The following SPAG6 variants were observed in gnomAD, a reference collection of about 807,000 sequenced individuals.
The protein encoded by SPAG6 is sperm-associated antigen 6.
SPAG6 carries 49 observed loss-of-function variants against 58.5 expected under a neutral mutation model. The observed-to-expected ratio is 0.84, with a 90% confidence interval of 0.67 to 1.06. The LOEUF is 1.06. Among genes scored for constraint, SPAG6 ranks in the 50% least tolerant of loss-of-function variants. The pLI, the probability that SPAG6 is intolerant of heterozygous loss-of-function variation, is 0.00. For synonymous variants in SPAG6, 233 were observed against 225.6 expected (o/e 1.03, Z -0.29); for missense variants, 560 against 611.3 (o/e 0.92, Z 0.89).
rs750231699 is a variant in SPAG6, at chr10:22,411,156, T to C, written c.1440T>C (p.Cys480=). 1 of 1,610,258 alleles carries C rather than the reference T, an allele frequency of 6.2e-7. No individual in the cohort carries two copies. Among genetic ancestry groups the C allele is most frequent in the Non-Finnish European group, 8.5e-7 (1 of 1,178,770 alleles). The change falls in exon 10 of 11, where the codon TGT becomes TGC. Residue 480 remains cysteine (C), a synonymous_variant. Coordinates refer to ENST00000376624, the MANE Select transcript of SPAG6 (RefSeq NM_012443.4). ...LQEYINSINS[C]YPEEIVRYYS... is the part of the protein sequence containing the mutation. The stretch of plus-strand genomic sequence containing the variant: ...AATACATCAACAGTATTAACAGTTG[T>C]TACCCCGAGGAAATAGTGAGGTGGG...
In SPAG6 at chr10:22,387,948, G is replaced by T. The variant is rs770265726; in HGVS notation, c.804G>T (p.Lys268Asn). 3.1e-6 allele frequency: 5 copies of T among 1,611,762 alleles called. No homozygotes were observed. The highest frequency in any genetic ancestry group is 8.5e-7 in the Non-Finnish European group (1 of 1,179,086). Residue 268 changes from lysine (K) to asparagine (N), a missense_variant, in exon 6 of 11, where the codon AAG becomes AAT. Lys to Asn is a moderately conservative substitution (Grantham distance 94, BLOSUM62 0). Coordinates refer to ENST00000376624, the MANE Select transcript of SPAG6 (RefSeq NM_012443.4). The part of the protein sequence containing the change: ...TCLKDKDEYV[K>N]KNASTLIREI... Reference sequence around the variant, plus strand: ...TGAAGGACAAGGATGAATACGTGAAGAAAAATGCTTCTACTTTAATTAGAG... The same window carrying T: ...TGAAGGACAAGGATGAATACGTGAATAAAAATGCTTCTACTTTAATTAGAG...
rs546172800 is a variant in SPAG6 at position 22,411,840 on chromosome 10, C to CTTTTTTTTT, written c.1460+682_1460+690dup. Among the ~76,000 whole-genome samples, 74 of 66,790 alleles carry CTTTTTTTTT rather than the reference C, an allele frequency of 1.1e-3. 7 individuals are homozygous for CTTTTTTTTT. Among genetic ancestry groups the CTTTTTTTTT allele is most frequent in the African/African-American group, 4.3e-3 (73 of 17,144 alleles). The allele number at this position is 66,790 out of a possible 152,430, so 43.8% of individuals were successfully genotyped here. ...AAGAGAATGATTTAAACAACTGAATCTTTTTTTTTTTTTTTTTTTTTTTTT... is the reference window on the plus strand; with the variant it reads ...AAGAGAATGATTTAAACAACTGAATCTTTTTTTTTTTTTTTTTTTTTTTTTTTTTTTTTT... On this transcript the variant is annotated intron_variant, in intron 10 of 10. Coordinates refer to ENST00000376624, the MANE Select transcript of SPAG6 (RefSeq NM_012443.4).
chr10:22,374,882 T>C (rs1833781998), intron 4 of SPAG6, among the ~76,000 whole-genome samples: 1 of 152,214 alleles, frequency 6.6e-6, no homozygotes. Context: ...AACTGAACAG[T>C]CCTTGGCGTA....
chr10:22,345,956 C>T lies in SPAG6; in HGVS notation c.121+138C>T, dbSNP rs1432597260. 2 of 1,553,802 alleles carry T rather than the reference C, an allele frequency of 1.3e-6. No individual in the cohort carries two copies. Among genetic ancestry groups the T allele is most frequent in the African/African-American group, 1.4e-5 (1 of 73,158 alleles). ...TCGCAAAAGCATCCATTCTTTTCAG[C>T]GGGTCTTTGGGGGTCAGGCCGAGAG... is the stretch of plus-strand genomic sequence containing the variant. On this transcript the variant is annotated intron_variant, in intron 2 of 10. Transcript: ENST00000376624. The surrounding 1 kb of genome is among the most constrained non-coding windows in gnomAD (Gnocchi z 6.3).
intron 10 of SPAG6, among the ~76,000 whole-genome samples, chr10:22,413,527 C>T (rs956778447): frequency 9.3e-5 from 14 of 150,482 alleles, no homozygotes; most frequent in East Asian, 1.9e-4. Context: ...AGGGAGACTC[C>T]GTCTCACAAA....
intron 2 of SPAG6, among the ~76,000 whole-genome samples, chr10:22,358,821 T>G (rs1048580863): frequency 3.9e-5 from 6 of 152,230 alleles, no homozygotes; most frequent in African/African-American, 4.8e-5. Context: ...TTTCGAGAAC[T>G]GATTTCTTTA....
intron 4 of SPAG6, among the ~76,000 whole-genome samples, chr10:22,384,257 G>A (rs1834019070): frequency 6.6e-6 from 1 of 152,192 alleles, no homozygotes; most frequent in Non-Finnish European, 1.5e-5. Flanking sequence ...TTTCTGCTGT[G>A]TATCTCAGTT....
intron 2 of SPAG6, chr10:22,346,092 C>T: frequency 1.3e-6 from 2 of 1,495,140 alleles, no homozygotes; most frequent in East Asian, 2.8e-5. Flanking sequence ...TGCCTGGAGT[C>T]ATTTTACGTG....
intron 2 of SPAG6, among the ~76,000 whole-genome samples, chr10:22,362,651 A>G (rs939166542): frequency 7.2e-5 from 11 of 151,796 alleles, no homozygotes; most frequent in Non-Finnish European, 1.3e-4. Flanking sequence ...GATTGCTTGA[A>G]CCTGAGAGGT....
intron 2 of SPAG6, among the ~76,000 whole-genome samples, chr10:22,357,589 T>A (rs925306893): frequency 7.9e-5 from 12 of 152,144 alleles, no homozygotes; most frequent in Non-Finnish European, 1.5e-4. Flanking sequence ...TCTCTTTTTT[T>A]AATTATTATT....
Position 22,416,653 on chromosome 10 carries a change from C to A in SPAG6, c.1495C>A (p.Gln499Lys). ...CCCTGGATATTCAGATACACTTCTG[C>A]AGAGGGTGGACAGCTATCAACCACT... Reference protein sequence around the residue: ...YSPGYSDTLLQRVDSYQPLNN With the variant: ...YSPGYSDTLLKRVDSYQPLNN Residue 499 changes from glutamine to lysine, a missense_variant, in exon 11 of 11, where the codon CAG becomes AAG. By Grantham distance (53) the Gln-to-Lys change is moderately conservative. Transcript: ENST00000376624. The A allele has an allele frequency of 1.9e-6, 3 of 1,609,038 alleles. No individual in the cohort carries two copies. The highest frequency in any genetic ancestry group is 2.6e-6 in the Non-Finnish European group (3 of 1,175,790).
chr10:22,411,949 C>T (rs1448654748), intron 10 of SPAG6, among the ~76,000 whole-genome samples: 1 of 148,576 alleles, frequency 6.7e-6, no homozygotes, highest in Non-Finnish European at 1.5e-5. Context: ...CCCAGGTTCA[C>T]GCCGTTCTCC....
intron 9 of SPAG6, among the ~76,000 whole-genome samples, chr10:22,409,663 A>C (rs564309359): frequency 6.6e-6 from 1 of 152,340 alleles, no homozygotes; most frequent in East Asian, 1.9e-4. Flanking sequence ...TTGCAGAAGG[A>C]ACAAGATCAG....
chr10:22,346,808 TG>T (rs1277195139), intron 2 of SPAG6, among the ~76,000 whole-genome samples: 1 of 152,166 alleles, frequency 6.6e-6, no homozygotes, highest in African/African-American at 2.4e-5. Flanking sequence ...GTGTTTTTAT[TG>T]GGGGGCATGT....
At chr10:22,406,020 TTCTC>T (rs1207915243) in intron 9 of SPAG6, among the ~76,000 whole-genome samples, 2 of 152,214 alleles carry the variant, frequency 1.3e-5, no homozygotes, top group African/African-American at 4.8e-5. Flanking sequence ...TATCTGATTC[TTCTC>T]TCTTTTTTTC....
intron 2 of SPAG6, among the ~76,000 whole-genome samples, chr10:22,349,110 A>T (rs535903174): frequency 1.3e-5 from 2 of 152,200 alleles, no homozygotes; most frequent in Admixed American, 6.5e-5. Flanking sequence ...CAGCCTCCCA[A>T]AGTGCTGGGA....
chr10:22,388,461 T>C (rs1834116051), intron 6 of SPAG6, among the ~76,000 whole-genome samples: 1 of 152,190 alleles, frequency 6.6e-6, no homozygotes, highest in Non-Finnish European at 1.5e-5. Flanking sequence ...AACACTATTA[T>C]AGCTCCAGGT....
At chr10:22,404,696 G>A (rs1834506063) in intron 9 of SPAG6, among the ~76,000 whole-genome samples, 3 of 135,154 alleles carry the variant, frequency 2.2e-5, no homozygotes, top group Admixed American at 1.5e-4. Flanking sequence ...GCTTGATGGG[G>A]ATGGCATTGA....
At chr10:22,410,719 G>A (rs1378644405) in intron 9 of SPAG6, among the ~76,000 whole-genome samples, 1 of 152,164 alleles carries the variant, frequency 6.6e-6, no homozygotes, top group Non-Finnish European at 1.5e-5. Flanking sequence ...GCCTTGTTAA[G>A]GAGCTTGCCT....
Sources: allele counts gnomAD v4.1 joint callset (sites outside exome capture counted in the v4.1 genomes callset), GRCh38; gene constraint gnomAD v4.1.1; non-coding constraint Gnocchi (gnomAD v3.1); transcripts MANE v1.5; gene names NCBI Gene and HGNC (gene_info 2026-07-23, HGNC 2026-07-21).